The following RIMS2 variants were observed in gnomAD, a reference collection of about 807,000 sequenced individuals.
RIMS2 encodes the protein regulating synaptic membrane exocytosis protein 2.
RIMS2 carries 59 observed loss-of-function variants against 174.4 expected under a neutral mutation model. The ratio of observed to expected loss-of-function variants is 0.34; its 90% CI spans 0.27 to 0.42. The LOEUF (loss-of-function observed/expected upper bound fraction) is 0.42, where lower values mean the gene tolerates loss of function less well. Ranked by LOEUF, RIMS2 falls within the 10% of genes least tolerant of loss-of-function variation. The pLI is 1.00. For synonymous variants in RIMS2, 606 were observed against 572.5 expected (o/e 1.06, Z -0.84); for missense variants, 1,620 against 1,666.3 (o/e 0.97, Z 0.48).
chr8:103,942,329 T>C (rs987430770), intron 13 of RIMS2, among the ~76,000 whole-genome samples: 1 of 152,178 alleles, frequency 6.6e-6, no homozygotes, highest in African/African-American at 2.4e-5. Context: ...ATGATCTTGT[T>C]CTTTTTTATG....
intron 2 of RIMS2, among the ~76,000 whole-genome samples, chr8:103,726,742 TA>T (rs1049991588): frequency 1.4e-5 from 2 of 147,836 alleles, no homozygotes; most frequent in African/African-American, 4.9e-5. Flanking sequence ...TATATATATA[TA>T]TATTTTTGAG....
intron 3 of RIMS2, among the ~76,000 whole-genome samples, chr8:103,864,942 A>T (rs1023546933): frequency 3.3e-5 from 5 of 152,200 alleles, no homozygotes; most frequent in Non-Finnish European, 5.9e-5. Context: ...TCTCTCATCC[A>T]GTAAGGCAAA....
intron 19 of RIMS2, among the ~76,000 whole-genome samples, chr8:104,019,898 G>A (rs2096040863): frequency 6.6e-6 from 1 of 151,910 alleles, no homozygotes; most frequent in Non-Finnish European, 1.5e-5. Context: ...ATTTTTTAAG[G>A]TAGCATTAGT....
intron 9 of RIMS2, chr8:103,920,825 TAA>T (rs61400627): frequency 0.011 from 3,005 of 274,574 alleles, no homozygotes; most frequent in South Asian, 0.017. Flanking sequence ...CCGTCTCTAC[TAA>T]AAAAAAAAAA....
At chr8:104,059,573 C>T (rs1399767575) in intron 19 of RIMS2, among the ~76,000 whole-genome samples, 2 of 140,244 alleles carry the variant, frequency 1.4e-5, no homozygotes, top group Non-Finnish European at 3.1e-5. Flanking sequence ...CCTTCTCCTG[C>T]CTAATTGCCC....
Position 103,843,658 on chromosome 8 carries a change from A to G in RIMS2, c.699-41640A>G, listed in dbSNP as rs200612483. ...TTTGAAGGCACACTATAGTTAGAAT[A>G]GTGCATATTTCCCATCTATAATACT... is the stretch of plus-strand genomic sequence containing the variant. On this transcript the variant is annotated intron_variant, in intron 3 of 23. Transcript: ENST00000504942. Among the ~76,000 whole-genome samples the G allele has an allele frequency of 2.4e-4, 37 of 152,316 alleles. No homozygotes were observed. In the East Asian group the frequency reaches 4.4e-3, roughly 18 times the overall value.
intron 19 of RIMS2, among the ~76,000 whole-genome samples, chr8:104,227,028 T>C (rs1047833820): frequency 1.3e-5 from 2 of 152,200 alleles, no homozygotes; most frequent in Non-Finnish European, 2.9e-5. Flanking sequence ...TTTTCAAGAA[T>C]GTTACTATTT....
intron 3 of RIMS2, among the ~76,000 whole-genome samples, chr8:103,849,456 A>G (rs1001601719): frequency 2.0e-5 from 3 of 152,108 alleles, no homozygotes; most frequent in Non-Finnish European, 4.4e-5. Context: ...GGTCTCAGGT[A>G]AAGCCTTGCC....
At chr8:103,870,693 A>G (rs1256075806) in intron 3 of RIMS2, among the ~76,000 whole-genome samples, 2 of 150,814 alleles carry the variant, frequency 1.3e-5, no homozygotes, top group African/African-American at 4.9e-5. Flanking sequence ...TTTTTTTCTT[A>G]CTTCCTACAT....
At chr8:104,038,897 G>A (rs988749330) in intron 19 of RIMS2, among the ~76,000 whole-genome samples, 2 of 151,760 alleles carry the variant, frequency 1.3e-5, no homozygotes, top group Non-Finnish European at 3.0e-5. Flanking sequence ...ATATTTTTAT[G>A]TAGGCTTAGT....
At chr8:104,248,410 CTGAG>C (rs1371484216) in intron 20 of RIMS2, among the ~76,000 whole-genome samples, 1 of 152,108 alleles carries the variant, frequency 6.6e-6, no homozygotes, top group African/African-American at 2.4e-5. Flanking sequence ...TCAATATGTG[CTGAG>C]TGTTACTCAT....
chr8:103,581,891 C>A (rs113653616), intron 1 of RIMS2, among the ~76,000 whole-genome samples: 1 of 152,178 alleles, frequency 6.6e-6, no homozygotes, highest in Admixed American at 6.5e-5. Flanking sequence ...TAGTACCGAA[C>A]TAGGCCGAGA....
At chr8:103,770,576 CA>C (rs945964309) in intron 3 of RIMS2, among the ~76,000 whole-genome samples, 1 of 150,350 alleles carries the variant, frequency 6.7e-6, no homozygotes, top group Non-Finnish European at 1.5e-5. Flanking sequence ...AACTCTGTCT[CA>C]AAAAAAAACC....
intron 1 of RIMS2, among the ~76,000 whole-genome samples, chr8:103,649,994 G>C (rs2096418967): frequency 6.6e-6 from 1 of 152,144 alleles, no homozygotes; most frequent in Non-Finnish European, 1.5e-5. Context: ...TGAAGGAGAA[G>C]AGCTGTTCTG....
At chr8:103,939,707 A>T (rs762288982) in intron 13 of RIMS2, among the ~76,000 whole-genome samples, 2 of 152,144 alleles carry the variant, frequency 1.3e-5, no homozygotes, top group Non-Finnish European at 2.9e-5. Flanking sequence ...TGCTTCCCTT[A>T]TAAAACTAAA....
chr8:103,690,181 C>G (rs1287944120), intron 1 of RIMS2, among the ~76,000 whole-genome samples: 1 of 152,112 alleles, frequency 6.6e-6, no homozygotes, highest in Non-Finnish European at 1.5e-5. Context: ...CCAGGCTAGT[C>G]TCAAACTCCT....
intron 2 of RIMS2, among the ~76,000 whole-genome samples, chr8:103,725,550 A>G (rs934054504): frequency 5.9e-5 from 9 of 152,106 alleles, no homozygotes; most frequent in African/African-American, 2.2e-4. Context: ...CTATAACTGT[A>G]GTTTGTTCCT....
chr8:104,073,200 A>C (rs2097224117), intron 19 of RIMS2, among the ~76,000 whole-genome samples: 1 of 152,222 alleles, frequency 6.6e-6, no homozygotes, highest in Admixed American at 6.5e-5. Flanking sequence ...CATAATTATC[A>C]ATACTTAAAA....
chr8:103,996,185 T>G (rs912162771), intron 17 of RIMS2, among the ~76,000 whole-genome samples: 1 of 151,826 alleles, frequency 6.6e-6, no homozygotes, highest in Non-Finnish European at 1.5e-5. Context: ...TGAGGCCAAA[T>G]GGATAGAGAT....
Sources: allele counts gnomAD v4.1 joint callset (sites outside exome capture counted in the v4.1 genomes callset), GRCh38; gene constraint gnomAD v4.1.1; transcripts MANE v1.5; gene names NCBI Gene and HGNC (gene_info 2026-07-23, HGNC 2026-07-21).